The following MYMK variants were observed in gnomAD, a reference collection of about 807,000 sequenced individuals.
The protein encoded by MYMK is protein myomaker.
MYMK carries 16 observed loss-of-function variants against 22.4 expected under a neutral mutation model. The ratio of observed to expected loss-of-function variants is 0.72; its 90% CI spans 0.48 to 1.09. The LOEUF (loss-of-function observed/expected upper bound fraction) is 1.09. Ranked by LOEUF, MYMK falls within the 50% of genes least tolerant of loss-of-function variation. The probability of loss-of-function intolerance (pLI) is 0.00; values close to 1 mark genes in which losing one functional copy is unlikely to be tolerated. For synonymous variants in MYMK, 125 were observed against 127.0 expected (o/e 0.98, Z 0.11); for missense variants, 250 against 295.6 (o/e 0.85, Z 1.13).
chr9:133,520,033 C>A (rs1156747447), intron 2 of MYMK, 141 bp downstream of exon 2: 10 of 625,570 alleles, frequency 1.6e-5, no homozygotes, highest in Middle Eastern at 3.7e-4. Context: ...AACCCTGAAA[C>A]CCAGACAAGG....
In MYMK at chr9:133,514,742, A is replaced by G; in HGVS notation, c.560T>C (p.Leu187Pro). 1 of 1,614,054 alleles carries G rather than the reference A, an allele frequency of 6.2e-7. No homozygotes were observed. Among genetic ancestry groups the G allele is most frequent in the Non-Finnish European group, 8.5e-7 (1 of 1,179,918 alleles). The change falls in exon 5 of 5, where the codon CTG (leucine) becomes CCG (proline). Residue 187 changes from leucine to proline, a missense_variant. Physicochemically the swap from Leu to Pro is moderately conservative, Grantham distance 98. Transcript: ENST00000339996. ...TYVHSFYHCA[L>P]AMSFVLLLPK... ...CAGCAGCAGAACAAAGGACATAGCC[A>G]GGGCACAGTGGTAGAAGCTGTGGAC...
chr9:133,521,345 G>C (rs1844700737), intron 1 of MYMK, among the ~76,000 whole-genome samples: 2 of 152,206 alleles, frequency 1.3e-5, no homozygotes, highest in Admixed American at 1.3e-4. Flanking sequence ...GCCCAGCTCA[G>C]CGGGAGGAGC....
At chr9:133,522,345 G>GTGGC (rs375743210) in intron 1 of MYMK, among the ~76,000 whole-genome samples, 5 of 150,814 alleles carry the variant, frequency 3.3e-5, no homozygotes, top group Admixed American at 2.6e-4. Context: ...GTGGCTGTCG[G>GTGGC]GGGGGGGCCT....
At chr9:133,517,666 CAAAA>C (rs140245731) in intron 3 of MYMK, among the ~76,000 whole-genome samples, 8 of 120,616 alleles carry the variant, frequency 6.6e-5, no homozygotes, top group Non-Finnish European at 6.9e-5. Flanking sequence ...AACTCCGTCT[CAAAA>C]AAAAAAAAAA....
intron 3 of MYMK, among the ~76,000 whole-genome samples, chr9:133,516,757 A>T (rs1844635021): frequency 6.6e-6 from 1 of 152,098 alleles, no homozygotes; most frequent in Non-Finnish European, 1.5e-5. Flanking sequence ...TGCAGTAGTA[A>T]CACCAGGGAG....
Position 133,515,942 on chromosome 9 carries a change from G to C in MYMK, c.400-335C>G, listed in dbSNP as rs1245944662. ...CTCCTCCCTGGAGGGGAGCTCTGGGGGGACTAGACTCCATGATTGCTTACC... is the reference window on the plus strand; with the variant it reads ...CTCCTCCCTGGAGGGGAGCTCTGGGCGGACTAGACTCCATGATTGCTTACC... On this transcript the variant is annotated intron_variant, in intron 3 of 4. Coordinates refer to ENST00000339996, the MANE Select transcript of MYMK (RefSeq NM_001080483.3). This position sits in a 1 kb window ranked among gnomAD's most constrained non-coding sequence, Gnocchi z 5.8. Among the ~76,000 whole-genome samples, 4 of 152,206 alleles carry C rather than the reference G, an allele frequency of 2.6e-5. No homozygotes were observed. Among genetic ancestry groups the C allele is most frequent in the African/African-American group, 9.7e-5 (4 of 41,448 alleles).
At chr9:133,519,909 T>G (rs940597761) in intron 2 of MYMK, among the ~76,000 whole-genome samples, 4 of 152,220 alleles carry the variant, frequency 2.6e-5, no homozygotes, top group African/African-American at 9.6e-5. Context: ...TGTATGCCTC[T>G]GCTGTTGAAA....
At chr9:133,519,131 G>A (rs568524649) in intron 2 of MYMK, 109 bp from the exon 3 acceptor site, 21 of 1,373,072 alleles carry the variant, frequency 1.5e-5, no homozygotes, top group Middle Eastern at 4.4e-4. Flanking sequence ...GCCCTCTCTC[G>A]GTGTCCCCTC....
Position 133,515,672 on chromosome 9 carries a change from A to C in MYMK, c.400-65T>G. On this transcript the variant is annotated intron_variant, in intron 3 of 4. Coordinates refer to ENST00000339996, the MANE Select transcript of MYMK (RefSeq NM_001080483.3). The surrounding 1 kb of genome is among the most constrained non-coding windows in gnomAD (Gnocchi z 5.8). ...AGCACTGGGGAACGCCCCTCCCCAA[A>C]CCAGCCCGAGAGCTGGCCCTGCACA... 2 of 1,107,738 alleles carry C rather than the reference A, an allele frequency of 1.8e-6. No individual in the cohort carries two copies. The highest frequency in any genetic ancestry group is 1.4e-6 in the Non-Finnish European group (1 of 727,040). The allele number at this position is 1,107,738 out of a possible 1,614,324, so 68.6% of individuals were successfully genotyped here. A position where few individuals can be genotyped will look rare whatever the true frequency, so the allele number is the denominator to read the frequency against.
chr9:133,523,310 A>G (rs1259062133), intron 1 of MYMK, among the ~76,000 whole-genome samples: 2 of 152,240 alleles, frequency 1.3e-5, no homozygotes, highest in East Asian at 3.8e-4. Context: ...ATTCTTGCCC[A>G]TAGAGGCCCT....
At chr9:133,524,647 G>C (rs955451100) in intron 1 of MYMK, 63 bp downstream of exon 1, 5 of 1,611,438 alleles carry the variant, frequency 3.1e-6, no homozygotes, top group Admixed American at 3.4e-5. Flanking sequence ...TGTGGACAGA[G>C]AGCCTCTCCT....
rs1205079370 is a variant in MYMK at position 133,520,296 on chromosome 9, A to G, written c.136-8T>C. On this transcript the variant is annotated splice_region_variant and splice_polypyrimidine_tract_variant and intron_variant, in intron 1 of 4. Coordinates refer to ENST00000339996, the MANE Select transcript of MYMK (RefSeq NM_001080483.3). ...ATTGCAGGCATGGTGGAGCTGCCAGAAAACCCACAGGTGGTCACAGCACAA... is the reference window on the plus strand; with the variant it reads ...ATTGCAGGCATGGTGGAGCTGCCAGGAAACCCACAGGTGGTCACAGCACAA... 1 of 1,613,294 alleles carries G rather than the reference A, an allele frequency of 6.2e-7. No individual in the cohort carries two copies. Among genetic ancestry groups the G allele is most frequent in the African/African-American group, 1.3e-5 (1 of 74,914 alleles).
intron 1 of MYMK, among the ~76,000 whole-genome samples, chr9:133,522,708 C>T (rs1844715543): frequency 6.6e-6 from 1 of 152,206 alleles, no homozygotes; most frequent in African/African-American, 2.4e-5. Context: ...CTCAGCTTTT[C>T]TCCCTGCGCT....
intron 1 of MYMK, among the ~76,000 whole-genome samples, chr9:133,523,031 A>T (rs1270566302): frequency 6.6e-6 from 1 of 152,202 alleles, no homozygotes; most frequent in African/African-American, 2.4e-5. Flanking sequence ...CTGGCGCTCG[A>T]GGTGGACTCA....
At chr9:133,521,553 C>T (rs566697039) in intron 1 of MYMK, among the ~76,000 whole-genome samples, 1 of 152,190 alleles carries the variant, frequency 6.6e-6, no homozygotes, top group East Asian at 1.9e-4. Context: ...AGGGAGGCGG[C>T]GGTCCTGCTT....
Position 133,515,523 on chromosome 9 carries a change from C to T in MYMK, c.484G>A (p.Ala162Thr). 6.2e-7 allele frequency: 1 copy of T among 1,613,848 alleles called. No homozygotes were observed. The highest frequency in any genetic ancestry group is 8.5e-7 in the Non-Finnish European group (1 of 1,179,742). Residue 162 changes from alanine (A) to threonine (T), a missense_variant, in exon 4 of 5, where the codon GCG becomes ACG. Ala to Thr is a moderately conservative substitution (Grantham distance 58, BLOSUM62 0). Transcript: ENST00000339996. This position sits in a 1 kb window ranked among gnomAD's most constrained non-coding sequence, Gnocchi z 5.8. The stretch of plus-strand genomic sequence containing the variant: ...AAGAAGCGTAGCATCAGGGCCAGCG[C>T]CCCGAAGCAGAGGCCGGGGCCTATC... ...QQIGPGLCFGALALMLRFFFE... is the reference protein window; with the variant it reads ...QQIGPGLCFGTLALMLRFFFE...
chr9:133,515,264 G>T lies in MYMK; in HGVS notation c.516+227C>A, dbSNP rs896371910. 4.6e-5 allele frequency among the ~76,000 whole-genome samples: 7 copies of T among 152,110 alleles called. No homozygotes were observed. The highest frequency in any genetic ancestry group is 1.4e-4 in the African/African-American group (6 of 41,408). ...AGCTGTCTGTAGGCAGCCAGCTTTGGTCTCTGTGACCTCCAGGTCCACACA... is the reference window on the plus strand; with the variant it reads ...AGCTGTCTGTAGGCAGCCAGCTTTGTTCTCTGTGACCTCCAGGTCCACACA... On this transcript the variant is annotated intron_variant, in intron 4 of 4. Coordinates refer to ENST00000339996, the MANE Select transcript of MYMK (RefSeq NM_001080483.3). The surrounding 1 kb of genome is among the most constrained non-coding windows in gnomAD (Gnocchi z 5.8).
intron 2 of MYMK, 140 bp downstream of exon 2, chr9:133,520,034 C>A: frequency 3.2e-6 from 2 of 626,264 alleles, no homozygotes; most frequent in Middle Eastern, 3.7e-4. Flanking sequence ...ACCCTGAAAC[C>A]CAGACAAGGG....
At chr9:133,524,024 C>T (rs1481009013) in intron 1 of MYMK, among the ~76,000 whole-genome samples, 2 of 151,934 alleles carry the variant, frequency 1.3e-5, no homozygotes, top group African/African-American at 2.4e-5. Flanking sequence ...GGGTTCTGGG[C>T]GCTCCACTGA....
Sources: gnomAD v4.1 joint callset for allele counts (sites outside exome capture counted in the v4.1 genomes callset) on GRCh38, gnomAD v4.1.1 for gene constraint, Gnocchi (gnomAD v3.1) non-coding constraint, MANE v1.5 for transcripts, NCBI Gene and HGNC (gene_info 2026-07-23, HGNC 2026-07-21) for gene names.